The following DIPK1A variants were observed in gnomAD, a reference collection of about 807,000 sequenced individuals.
DIPK1A encodes the protein family with sequence similarity 69 member A.
Under a neutral mutation model 40.8 loss-of-function variants are expected in DIPK1A, and 27 were observed. The ratio of observed to expected loss-of-function variants is 0.66; its 90% CI spans 0.49 to 0.91. The LOEUF is 0.91. Ranked by LOEUF, DIPK1A falls within the 40% of genes least tolerant of loss-of-function variation. The pLI is 0.00. For synonymous variants in DIPK1A, 166 were observed against 171.3 expected (o/e 0.97, Z 0.24); for missense variants, 412 against 505.7 (o/e 0.81, Z 1.78).
At chr1:92,949,737 G>A (rs1651553839) in intron 1 of DIPK1A, among the ~76,000 whole-genome samples, 1 of 152,154 alleles carries the variant, frequency 6.6e-6, no homozygotes, top group Non-Finnish European at 1.5e-5. Context: ...AAAGCTAGGG[G>A]CAGGATGAAG....
intron 1 of DIPK1A, among the ~76,000 whole-genome samples, chr1:92,883,905 A>G (rs1034832560): frequency 3.3e-5 from 5 of 152,158 alleles, no homozygotes; most frequent in Admixed American, 6.5e-5. Flanking sequence ...GTCTAGGGGT[A>G]AGGAGAAAAG....
intron 2 of DIPK1A, among the ~76,000 whole-genome samples, chr1:92,872,503 A>G (rs1432475186): frequency 6.6e-6 from 1 of 152,164 alleles, no homozygotes; most frequent in Non-Finnish European, 1.5e-5. Context: ...TTCTTTTTGA[A>G]TAACTCTTAA....
At chr1:92,905,815 G>C (rs963461585) in intron 1 of DIPK1A, among the ~76,000 whole-genome samples, 22 of 152,022 alleles carry the variant, frequency 1.4e-4, no homozygotes, top group African/African-American at 5.3e-4. Flanking sequence ...TGAGAGATAG[G>C]GGTCTAGTTT....
chr1:92,933,102 A>AT (rs1013219838), intron 1 of DIPK1A: 5 of 152,172 alleles, frequency 3.3e-5, no homozygotes, highest in Non-Finnish European at 5.9e-5. Flanking sequence ...ATTAAAGTAT[A>AT]TTTTTTAAAA....
chr1:92,887,690 C>A (rs1557470183), intron 1 of DIPK1A, among the ~76,000 whole-genome samples: 1 of 152,310 alleles, frequency 6.6e-6, no homozygotes, highest in East Asian at 1.9e-4. Context: ...ATTTATTATG[C>A]AGCGTTGCTG....
chr1:92,845,242 C>T (rs1273512809), intron 4 of DIPK1A, among the ~76,000 whole-genome samples: 4 of 149,822 alleles, frequency 2.7e-5, no homozygotes, highest in African/African-American at 7.3e-5. Flanking sequence ...CCACCGCGCC[C>T]GGCCTATATT....
chr1:92,920,509 C>T (rs1650228730), intron 1 of DIPK1A, among the ~76,000 whole-genome samples: 1 of 152,108 alleles, frequency 6.6e-6, no homozygotes, highest in Admixed American at 6.5e-5. Context: ...TGAGAAGGGA[C>T]TAATACACCA....
intron 1 of DIPK1A, among the ~76,000 whole-genome samples, chr1:92,946,346 C>CCTTG (rs1425587020): frequency 6.6e-6 from 1 of 152,008 alleles, no homozygotes. Flanking sequence ...ATGTTATCAA[C>CCTTG]TTTGGCAGTG....
chr1:92,907,326 A>G (rs1379012947), intron 1 of DIPK1A, among the ~76,000 whole-genome samples: 1 of 152,238 alleles, frequency 6.6e-6, no homozygotes, highest in Admixed American at 6.5e-5. Flanking sequence ...ATACATTAAA[A>G]TATTTAAAAA....
intron 2 of DIPK1A, among the ~76,000 whole-genome samples, chr1:92,875,378 A>G (rs1265344682): frequency 6.6e-6 from 1 of 152,170 alleles, no homozygotes; most frequent in Non-Finnish European, 1.5e-5. Context: ...TTACTATTCA[A>G]ATATAATTCT....
rs1309436828 is a variant in DIPK1A, at chr1:92,842,369, G to A, written c.*1014C>T. The A allele has an allele frequency of 3.0e-6, 3 of 984,772 alleles. No homozygotes were observed. Among genetic ancestry groups the A allele is most frequent in the South Asian group, 4.7e-5 (1 of 21,286 alleles). The allele number at this position is 984,772 out of a possible 1,614,324, so 61.0% of individuals were successfully genotyped here. The stretch of plus-strand genomic sequence containing the variant: ...ATAGTGGTTCTTTTCTCCAAAAGGT[G>A]TTTAATTTTATGGAGATGTTGAAAG... On this transcript the variant is annotated 3_prime_UTR_variant, in exon 5 of 5. Transcript: ENST00000370310.
At chr1:92,836,633 G>A (rs1350619475) in intron 4 of DIPK1A, 5 of 516,650 alleles carry the variant, frequency 9.7e-6, no homozygotes, top group Non-Finnish European at 1.7e-5. Context: ...GAAAGAGATG[G>A]GATTGAAACC....
chr1:92,901,103 C>A (rs1649394840), intron 1 of DIPK1A, among the ~76,000 whole-genome samples: 1 of 151,986 alleles, frequency 6.6e-6, no homozygotes, highest in Non-Finnish European at 1.5e-5. Context: ...ACTGCAGACA[C>A]CTCAATGGCA....
chr1:92,950,943 C>CT (rs966642429), intron 1 of DIPK1A, among the ~76,000 whole-genome samples: 74 of 152,116 alleles, frequency 4.9e-4, no homozygotes, highest in African/African-American at 1.7e-3. Context: ...GAAATAATTA[C>CT]TTTTTTTTAC....
chr1:92,836,575 A>G lies in DIPK1A; in HGVS notation c.475-3541T>C, dbSNP rs147024794. 6.9e-4 allele frequency: 429 copies of G among 621,994 alleles called. No homozygotes were observed. The African/African-American group carries it at 7.4e-3, about 11-fold the overall frequency. The allele number at this position is 621,994 out of a possible 1,614,324, so 38.5% of individuals were successfully genotyped here. ...ATTATAGCCCATTTTATAAATTAAG[A>G]GTCTGAGGCCCAGAGTTATTTGTCC... On this transcript the variant is annotated intron_variant, in intron 4 of 4. Coordinates refer to the DIPK1A transcript ENST00000615519.
chr1:92,934,303 T>C (rs539037478), intron 1 of DIPK1A, among the ~76,000 whole-genome samples: 20 of 152,334 alleles, frequency 1.3e-4, no homozygotes, highest in African/African-American at 4.6e-4. Context: ...TAAACTGAGA[T>C]CTTTATAAAT....
intron 1 of DIPK1A, among the ~76,000 whole-genome samples, chr1:92,891,876 G>A (rs554608214): frequency 6.6e-6 from 1 of 152,336 alleles, no homozygotes; most frequent in South Asian, 2.1e-4. Flanking sequence ...CGCATGGCTT[G>A]GAGGGTCCTA....
intron 1 of DIPK1A, among the ~76,000 whole-genome samples, chr1:92,942,854 G>A (rs908794628): frequency 7.2e-5 from 11 of 151,910 alleles, no homozygotes; most frequent in South Asian, 4.2e-4. Flanking sequence ...TAGTAGAGAC[G>A]GGGTTTCACC....
At chr1:92,865,708 T>G (rs747207182) in intron 2 of DIPK1A, among the ~76,000 whole-genome samples, 4 of 152,214 alleles carry the variant, frequency 2.6e-5, no homozygotes, top group East Asian at 1.9e-4. Context: ...TGCAAACTAA[T>G]GTACAGTGTG....
Sources: allele counts gnomAD v4.1 joint callset (sites outside exome capture counted in the v4.1 genomes callset), GRCh38; gene constraint gnomAD v4.1.1; transcripts MANE v1.5; gene names NCBI Gene and HGNC (gene_info 2026-07-23, HGNC 2026-07-21).